Variants in EYA4 observed in about 807,000 individuals in gnomAD.
EYA4 encodes the protein protein phosphatase EYA4.
Under a neutral mutation model 87.9 loss-of-function variants are expected in EYA4, and 31 were observed. The ratio of observed to expected loss-of-function variants is 0.35; its 90% confidence interval spans 0.27 to 0.48. The LOEUF is 0.48. Ranked by LOEUF, EYA4 falls within the 20% of genes least tolerant of loss-of-function variation. The pLI is 0.99. For synonymous variants in EYA4, 263 were observed against 270.6 expected (o/e 0.97, Z 0.28); for missense variants, 678 against 761.4 (o/e 0.89, Z 1.29).
chr6:133,261,354 T>C (rs550912909), intron 1 of EYA4, among the ~76,000 whole-genome samples: 4 of 152,358 alleles, frequency 2.6e-5, no homozygotes, highest in Non-Finnish European at 2.9e-5. Context: ...TTTGTACTTA[T>C]TCTCCTGCTT....
At chr6:133,522,536 G>A (rs955337331) in intron 17 of EYA4, among the ~76,000 whole-genome samples, 1 of 152,044 alleles carries the variant, frequency 6.6e-6, no homozygotes, top group South Asian at 2.1e-4. Context: ...GAAAGTAAAT[G>A]CATGAAATGG....
Position 133,252,118 on chromosome 6 carries a change from C to T in EYA4, c.-66+10369C>T, listed in dbSNP as rs144044847. Among the ~76,000 whole-genome samples, 249 of 152,216 alleles carry T rather than the reference C, an allele frequency of 1.6e-3. 1 individual carries two copies. The highest frequency in any genetic ancestry group is 5.7e-3 in the African/African-American group (236 of 41,554). ...TGAATCATCTATGTGTCTTTTCTTC[C>T]GGTTATTTGTCAGTAGATAGTTTGG... On this transcript the variant is annotated intron_variant, in intron 1 of 19. Coordinates refer to ENST00000355286, the MANE Select transcript of EYA4 (RefSeq NM_004100.5).
chr6:133,502,227 A>C (rs964227535), intron 13 of EYA4: 1 of 152,102 alleles, frequency 6.6e-6, no homozygotes, highest in African/African-American at 2.4e-5. Flanking sequence ...TAATATGTAT[A>C]ATATATATCA....
intron 3 of EYA4, among the ~76,000 whole-genome samples, chr6:133,384,210 G>A (rs996116019): frequency 1.3e-5 from 2 of 152,138 alleles, no homozygotes. Flanking sequence ...AATAGAAAGA[G>A]TTCAGAGCTC....
chr6:133,310,402 C>A (rs1780128326), intron 2 of EYA4, among the ~76,000 whole-genome samples: 3 of 152,066 alleles, frequency 2.0e-5, no homozygotes, highest in Admixed American at 6.6e-5. Flanking sequence ...TGTTACCCTC[C>A]CCACATCAGC....
In EYA4 at chr6:133,411,193, C is replaced by T. The variant is rs193253035; in HGVS notation, c.83+28752C>T. Among the ~76,000 whole-genome samples, 30 of 151,974 alleles carry T rather than the reference C, an allele frequency of 2.0e-4. No individual in the cohort carries two copies. In the East Asian group the frequency reaches 3.9e-3, roughly 20 times the overall value. ...ATGAGGACTTACTATTTTTTTGATT[C>T]GGTGGTTTTTGAACATACACTCTAT... is the stretch of plus-strand genomic sequence containing the variant. On this transcript the variant is annotated intron_variant, in intron 3 of 19. Coordinates refer to ENST00000355286, the MANE Select transcript of EYA4 (RefSeq NM_004100.5).
At position 133,449,964 on chromosome 6, in the gene EYA4, T is replaced by C. The variant is rs757497282; in HGVS notation, c.277+1785T>C. Among the ~76,000 whole-genome samples, 38 of 152,164 alleles carry C rather than the reference T, an allele frequency of 2.5e-4. 1 individual carries two copies. The highest frequency in any genetic ancestry group is 7.3e-5 in the Non-Finnish European group (5 of 68,030). On this transcript the variant is annotated intron_variant, in intron 5 of 19. Coordinates refer to ENST00000355286, the MANE Select transcript of EYA4 (RefSeq NM_004100.5). ...ATAATGTAGTCCTGGTAGCATATTATATGAAACTTTTAATGAATTTCAATG... is the reference window on the plus strand; with the variant it reads ...ATAATGTAGTCCTGGTAGCATATTACATGAAACTTTTAATGAATTTCAATG...
chr6:133,484,599 A>T (rs1457867179), intron 13 of EYA4, among the ~76,000 whole-genome samples: 1 of 152,238 alleles, frequency 6.6e-6, no homozygotes, highest in Non-Finnish European at 1.5e-5. Context: ...TCAATATCCT[A>T]CTACTGATTA....
intron 13 of EYA4, among the ~76,000 whole-genome samples, chr6:133,487,657 C>T (rs1796793928): frequency 6.6e-6 from 1 of 152,120 alleles, no homozygotes; most frequent in South Asian, 2.1e-4. Flanking sequence ...AGGGAAGGAT[C>T]CAATCTTGGC....
chr6:133,429,446 G>A (rs1468217459), intron 3 of EYA4, among the ~76,000 whole-genome samples: 2 of 152,002 alleles, frequency 1.3e-5, no homozygotes, highest in Admixed American at 6.6e-5. Flanking sequence ...AAGGAGAGGC[G>A]GAAAAATGCC....
Position 133,529,004 on chromosome 6 carries a change from T to G in EYA4, c.*199T>G. ...GCTACAGAAAAGAAACTCTATGGTC[T>G]TATATTTACAACACTTTAATGGGTT... On this transcript the variant is annotated 3_prime_UTR_variant, in exon 20 of 20. Coordinates refer to ENST00000355286, the MANE Select transcript of EYA4 (RefSeq NM_004100.5). 1 of 1,395,238 alleles carries G rather than the reference T, an allele frequency of 7.2e-7. No individual in the cohort carries two copies. The highest frequency in any genetic ancestry group is 9.3e-7 in the Non-Finnish European group (1 of 1,074,310). 86.4% of individuals were successfully genotyped at this position (1,395,238 alleles called of 1,614,324 possible). A position where few individuals can be genotyped will look rare whatever the true frequency, so the allele number is the denominator to read the frequency against.
intron 1 of EYA4, chr6:133,245,328 G>T (rs1774317820): frequency 6.6e-6 from 1 of 152,180 alleles, no homozygotes; most frequent in African/African-American, 2.4e-5. Flanking sequence ...TCTCATTGAA[G>T]AGCTGAACAA....
intron 2 of EYA4, among the ~76,000 whole-genome samples, chr6:133,376,637 T>C (rs1232335373): frequency 1.3e-5 from 2 of 151,942 alleles, no homozygotes; most frequent in African/African-American, 4.8e-5. Context: ...TTTTATGAGT[T>C]AATTCTCCTC....
chr6:133,283,895 G>A (rs1299176782), intron 2 of EYA4, among the ~76,000 whole-genome samples: 1 of 151,976 alleles, frequency 6.6e-6, no homozygotes, highest in African/African-American at 2.4e-5. Context: ...GTTTCCATAT[G>A]TACATATTAT....
chr6:133,529,206 C>T lies in EYA4; in HGVS notation c.*401C>T. 1 of 1,144,630 alleles carries T rather than the reference C, an allele frequency of 8.7e-7. No individual in the cohort carries two copies. Among genetic ancestry groups the T allele is most frequent in the Non-Finnish European group, 1.1e-6 (1 of 923,058 alleles). 70.9% of individuals were successfully genotyped at this position (1,144,630 alleles called of 1,614,324 possible). ...TCTCAGCCCTGAGGTTTGAATCTGA[C>T]TTTAGCCTACCTAACCCAGAAAATC... On this transcript the variant is annotated 3_prime_UTR_variant, in exon 20 of 20. Coordinates refer to ENST00000355286, the MANE Select transcript of EYA4 (RefSeq NM_004100.5).
intron 2 of EYA4, among the ~76,000 whole-genome samples, chr6:133,337,816 A>G (rs1782488506): frequency 6.6e-6 from 1 of 152,112 alleles, no homozygotes; most frequent in Non-Finnish European, 1.5e-5. Context: ...CCTTTTCCAG[A>G]ATTTGTTCAG....
intron 13 of EYA4, among the ~76,000 whole-genome samples, chr6:133,498,174 T>C (rs1387691616): frequency 6.6e-6 from 1 of 152,170 alleles, no homozygotes; most frequent in African/African-American, 2.4e-5. Context: ...GTAATAGAAT[T>C]AATCAAGTGT....
At chr6:133,341,663 A>G (rs1471276744) in intron 2 of EYA4, among the ~76,000 whole-genome samples, 3 of 152,146 alleles carry the variant, frequency 2.0e-5, no homozygotes, top group African/African-American at 7.2e-5. Context: ...GTTGCATTAA[A>G]AAAAAAACAT....
At chr6:133,253,749 T>A (rs1582753796) in intron 1 of EYA4, among the ~76,000 whole-genome samples, 1 of 152,272 alleles carries the variant, frequency 6.6e-6, no homozygotes, top group African/African-American at 2.4e-5. Flanking sequence ...GAATTAGTTC[T>A]TTTCTCTGTG....
Sources: gnomAD v4.1 joint callset for allele counts (sites outside exome capture counted in the v4.1 genomes callset) on GRCh38, gnomAD v4.1.1 for gene constraint, MANE v1.5 for transcripts, NCBI Gene and HGNC (gene_info 2026-07-23, HGNC 2026-07-21) for gene names.